The following TFAP2D variants were observed in gnomAD, a reference collection of about 807,000 sequenced individuals.
TFAP2D encodes transcription factor AP-2-delta.
A neutral mutation model predicts 43.6 loss-of-function variants in TFAP2D; 9 were observed. The ratio of observed to expected loss-of-function variants is 0.21; its 90% CI spans 0.12 to 0.36. The LOEUF is 0.36. TFAP2D is among the 10% of genes least tolerant of loss of function. The pLI is 1.00. For missense variants in TFAP2D, 513 were observed against 561.4 expected (o/e 0.91, Z 0.87); for synonymous variants, 256 against 224.9 (o/e 1.14, Z -1.24).
At position 50,772,760 on chromosome 6, in the gene TFAP2D, G is replaced by A. The variant is rs143299031; in HGVS notation, c.1255G>A (p.Gly419Arg). ...AAAACACACTACTCACAAGAACGGC[G>A]GAGCGGCGGATTCTGGCCAAGGACA... ...LEKHTTHKNGGAADSGQGHAN... is the reference protein window; with the variant it reads ...LEKHTTHKNGRAADSGQGHAN... Residue 419 changes from glycine to arginine, a missense_variant, in exon 8 of 8, where the codon GGA (glycine) becomes AGA (arginine). Coordinates refer to ENST00000008391, the MANE Select transcript of TFAP2D (RefSeq NM_172238.4). The A allele has an allele frequency of 1.9e-5, 30 of 1,614,100 alleles. 1 individual carries two copies. The highest frequency in any genetic ancestry group is 5.5e-5 in the South Asian group (5 of 91,076).
chr6:50,733,024 A>G (rs866488950), intron 5 of TFAP2D, among the ~76,000 whole-genome samples: 1 of 152,066 alleles, frequency 6.6e-6, no homozygotes. Context: ...CTATATTCCA[A>G]TAATTCACAA....
At chr6:50,765,736 A>C (rs1420303760) in intron 7 of TFAP2D, among the ~76,000 whole-genome samples, 1 of 151,568 alleles carries the variant, frequency 6.6e-6, no homozygotes. Flanking sequence ...ATTGAGTTGC[A>C]TGAGCTCCTT....
In TFAP2D at chr6:50,764,222, C is replaced by T. The variant is rs149502741; in HGVS notation, c.1140-8423C>T. Among the ~76,000 whole-genome samples the T allele has an allele frequency of 1.9e-4, 29 of 152,128 alleles. No homozygotes were observed. In the East Asian group the frequency reaches 5.6e-3, roughly 29 times the overall value. Reference sequence around the variant, plus strand: ...AACATGTGCTTGTGTTTTCTTTGTCCATAAATAGGTGATTTCTAGACTTAA... The same window carrying T: ...AACATGTGCTTGTGTTTTCTTTGTCTATAAATAGGTGATTTCTAGACTTAA... On this transcript the variant is annotated intron_variant, in intron 7 of 7. Coordinates refer to ENST00000008391, the MANE Select transcript of TFAP2D (RefSeq NM_172238.4).
chr6:50,744,795 A>G (rs6928472), intron 5 of TFAP2D, among the ~76,000 whole-genome samples: 115,781 of 151,898 alleles, frequency 0.76, 44,620 homozygotes, highest in East Asian at 0.96. Flanking sequence ...TGTAAAACCT[A>G]GGAAGTCAGT....
At chr6:50,770,997 A>C (rs759616997) in intron 7 of TFAP2D, among the ~76,000 whole-genome samples, 10 of 152,208 alleles carry the variant, frequency 6.6e-5, no homozygotes, top group Non-Finnish European at 1.2e-4. Flanking sequence ...GGGACAGTTA[A>C]CATAAGTGAA....
At chr6:50,719,050 T>C in intron 2 of TFAP2D, 40 bp from the exon 3 acceptor site, 1 of 1,598,520 alleles carries the variant, frequency 6.3e-7, no homozygotes, top group South Asian at 1.1e-5. Context: ...TGCATATGAG[T>C]ATCCATTTAA....
intron 7 of TFAP2D, among the ~76,000 whole-genome samples, chr6:50,758,442 A>G (rs1031313390): frequency 6.6e-6 from 1 of 151,880 alleles, no homozygotes; most frequent in African/African-American, 2.4e-5. Flanking sequence ...GGCTTTACAG[A>G]GTTACTTTCA....
chr6:50,745,291 A>AT lies in TFAP2D; in HGVS notation c.1025+52dup, dbSNP rs751164513. The stretch of plus-strand genomic sequence containing the variant: ...ACCTCTGTGTGCTTTCATCTTCAGT[A>AT]TTTTTTTTTCATTTTCTTTGAAATG... On this transcript the variant is annotated intron_variant, in intron 6 of 7. Transcript: ENST00000008391. 6.8e-4 allele frequency: 1,075 copies of AT among 1,584,652 alleles called. 2 individuals are homozygous for AT. The highest frequency in any genetic ancestry group is 7.2e-4 in the South Asian group (63 of 87,560).
intron 5 of TFAP2D, among the ~76,000 whole-genome samples, chr6:50,740,532 C>T (rs1561936292): frequency 6.6e-6 from 1 of 152,144 alleles, no homozygotes; most frequent in African/African-American, 2.4e-5. Context: ...CTCCCGAGTT[C>T]AAGCAATTCT....
At chr6:50,757,668 T>A (rs9463644) in intron 7 of TFAP2D, among the ~76,000 whole-genome samples, 11 of 74,582 alleles carry the variant, frequency 1.5e-4, no homozygotes, top group South Asian at 8.4e-4. Context: ...ATATATATAA[T>A]TATTCTATAT....
intron 2 of TFAP2D, 126 bp downstream of exon 2, chr6:50,715,739 T>A: frequency 4.0e-6 from 3 of 754,898 alleles, no homozygotes; most frequent in Middle Eastern, 3.8e-4. Context: ...TCTCTCTCTC[T>A]CTCTCTCTCT....
In TFAP2D at chr6:50,732,559, G is replaced by T. The variant is rs374952121; in HGVS notation, c.883+3247G>T. On this transcript the variant is annotated intron_variant, in intron 5 of 7. Transcript: ENST00000008391. The stretch of plus-strand genomic sequence containing the variant: ...AATCTCATGAAGGTTAAACTTCTAC[G>T]ACTTTGCAGTACTTGACTCTGCCTC... Among the ~76,000 whole-genome samples the T allele has an allele frequency of 2.3e-4, 35 of 152,098 alleles. No individual in the cohort carries two copies. In the South Asian group the frequency reaches 7.1e-3, roughly 31 times the overall value.
chr6:50,762,793 C>A (rs957631582), intron 7 of TFAP2D, among the ~76,000 whole-genome samples: 3 of 151,974 alleles, frequency 2.0e-5, no homozygotes, highest in Non-Finnish European at 4.4e-5. Context: ...CCTTTCTGCT[C>A]CTCAGTGTGA....
rs1269510544 is a variant in TFAP2D, at chr6:50,719,119, T to C, written c.567T>C (p.Val189=). ...CTGTGGAGGCCCAGTGTGGGCTTGT[T>C]CTCAATGGCCAAGGTGGAGTGATAA... ...QGSVEAQCGL[V]LNGQGGVIRR... Residue 189 remains valine (V), a synonymous_variant, in exon 3 of 8, where the codon GTT becomes GTC. Transcript: ENST00000008391. 1.9e-6 allele frequency: 3 copies of C among 1,614,060 alleles called. No homozygotes were observed. Among genetic ancestry groups the C allele is most frequent in the Admixed American group, 3.3e-5 (2 of 60,020 alleles).
At chr6:50,726,726 A>G (rs1768812600) in intron 3 of TFAP2D, among the ~76,000 whole-genome samples, 1 of 152,186 alleles carries the variant, frequency 6.6e-6, no homozygotes, top group Non-Finnish European at 1.5e-5. Context: ...TAAAATTTTA[A>G]GAAGTCATTT....
At chr6:50,716,279 G>A (rs1768626269) in intron 2 of TFAP2D, among the ~76,000 whole-genome samples, 1 of 152,188 alleles carries the variant, frequency 6.6e-6, no homozygotes, top group African/African-American at 2.4e-5. Flanking sequence ...GTAGGGTTGA[G>A]TTTAATTCTC....
rs1338487265 is a variant in TFAP2D at position 50,772,869 on chromosome 6, A to G, written c.*5A>G. The G allele has an allele frequency of 1.2e-6, 2 of 1,606,570 alleles. No homozygotes were observed. Among genetic ancestry groups the G allele is most frequent in the Admixed American group, 1.7e-5 (1 of 58,972 alleles). The stretch of plus-strand genomic sequence containing the variant: ...AAAACAGAAAAGACAGACTAGCTAC[A>G]TCAAACAGAATCTATTTCCAGAGAG... On this transcript the variant is annotated 3_prime_UTR_variant, in exon 8 of 8. Transcript: ENST00000008391.
At chr6:50,763,720 AATT>A (rs1295188271) in intron 7 of TFAP2D, among the ~76,000 whole-genome samples, 3 of 152,170 alleles carry the variant, frequency 2.0e-5, no homozygotes, top group Non-Finnish European at 4.4e-5. Flanking sequence ...TGAATCTGAA[AATT>A]ATTATACTAA....
chr6:50,754,716 C>G (rs1170829130), intron 7 of TFAP2D, among the ~76,000 whole-genome samples: 1 of 151,902 alleles, frequency 6.6e-6, no homozygotes, highest in Non-Finnish European at 1.5e-5. Flanking sequence ...TTGCACTTCT[C>G]TAATGATTAG....
Sources: gnomAD v4.1 joint callset for allele counts (sites outside exome capture counted in the v4.1 genomes callset) on GRCh38, gnomAD v4.1.1 for gene constraint, MANE v1.5 for transcripts, NCBI Gene and HGNC (gene_info 2026-07-23, HGNC 2026-07-21) for gene names.